The following CTNNA1 variants were observed in gnomAD, a reference collection of about 807,000 sequenced individuals.
The protein encoded by CTNNA1 is catenin alpha-1.
Under a neutral mutation model 98.4 loss-of-function variants are expected in CTNNA1, and 37 were observed. That is an observed-to-expected ratio of 0.38 (90% CI 0.29 to 0.49). CTNNA1 has a LOEUF of 0.49. Among genes scored for constraint, CTNNA1 ranks in the 20% least tolerant of loss-of-function variants. CTNNA1 has a pLI of 0.95. For synonymous variants in CTNNA1, 404 were observed against 413.2 expected (o/e 0.98, Z 0.27); for missense variants, 761 against 1,147.2 (o/e 0.66, Z 4.86).
At chr5:138,852,033 A>G (rs1486741472) in intron 7 of CTNNA1, among the ~76,000 whole-genome samples, 1 of 151,772 alleles carries the variant, frequency 6.6e-6, no homozygotes, top group Non-Finnish European at 1.5e-5. Flanking sequence ...TCGCAACATT[A>G]CACTCCAGCC....
chr5:138,910,829 G>A (rs1561717142), intron 10 of CTNNA1, among the ~76,000 whole-genome samples: 1 of 152,186 alleles, frequency 6.6e-6, no homozygotes, highest in Non-Finnish European at 1.5e-5. Flanking sequence ...TCTAAAACAA[G>A]TTTAGGGACT....
intron 1 of CTNNA1, among the ~76,000 whole-genome samples, chr5:138,772,120 G>T (rs1322743789): frequency 1.3e-5 from 2 of 152,152 alleles, no homozygotes; most frequent in Non-Finnish European, 1.5e-5. Context: ...AGCCCCCTTG[G>T]TTCTGATAGA....
intron 7 of CTNNA1, among the ~76,000 whole-genome samples, chr5:138,863,719 A>C (rs1392044056): frequency 6.6e-6 from 1 of 152,244 alleles, no homozygotes; most frequent in East Asian, 1.9e-4. Context: ...CAGCAGAGAA[A>C]GAGTTTAATA....
At chr5:138,825,565 T>C (rs1760631687) in intron 6 of CTNNA1, among the ~76,000 whole-genome samples, 1 of 134,294 alleles carries the variant, frequency 7.4e-6, no homozygotes, top group Non-Finnish European at 1.6e-5. Context: ...ACAGAAATTG[T>C]GTTCCAGGTG....
chr5:138,829,912 A>G (rs1052868053), intron 7 of CTNNA1, among the ~76,000 whole-genome samples: 1 of 152,054 alleles, frequency 6.6e-6, no homozygotes, highest in African/African-American at 2.4e-5. Context: ...ATTACCTGTA[A>G]TCCCAGCACT....
rs1754910690 is a variant in CTNNA1, at chr5:138,780,238, C to T, written c.-2-1685C>T. On this transcript the variant is annotated intron_variant, in intron 1 of 17. Transcript: ENST00000302763. ...CGGAGTCTTGCTCTTTCGCCCAGGCCGGACTGCAGTGGCGCTATCTCTGCT... is the reference window on the plus strand; with the variant it reads ...CGGAGTCTTGCTCTTTCGCCCAGGCTGGACTGCAGTGGCGCTATCTCTGCT... Among the ~76,000 whole-genome samples, 6 of 151,466 alleles carry T rather than the reference C, an allele frequency of 4.0e-5. No individual in the cohort carries two copies. The South Asian group carries it at 6.3e-4, about 16-fold the overall frequency.
chr5:138,856,527 TAATG>T (rs1213069865), intron 7 of CTNNA1, among the ~76,000 whole-genome samples: 1 of 152,114 alleles, frequency 6.6e-6, no homozygotes, highest in Non-Finnish European at 1.5e-5. Context: ...TTCTTTGTAA[TAATG>T]GGGTCTCGTC....
rs1306684518 is a variant in CTNNA1, at chr5:138,853,131, A to G, written c.1062+25413A>G. On this transcript the variant is annotated intron_variant, in intron 7 of 17. Transcript: ENST00000302763. ...AATTTTGCTGATCTGATGAGTGTGA[A>G]GCAGTTGTTCATTATTACTTTTTTT... Among the ~76,000 whole-genome samples the G allele has an allele frequency of 4.6e-5, 7 of 151,570 alleles. No individual in the cohort carries two copies. The East Asian group carries it at 1.3e-3, about 29-fold the overall frequency.
At chr5:138,809,393 A>T (rs921516643) in intron 3 of CTNNA1, among the ~76,000 whole-genome samples, 3 of 152,190 alleles carry the variant, frequency 2.0e-5, no homozygotes, top group African/African-American at 7.2e-5. Context: ...TTATGATTTC[A>T]TTTGTTTCTG....
chr5:138,871,318 T>C (rs1474637352), intron 7 of CTNNA1: 1 of 152,238 alleles, frequency 6.6e-6, no homozygotes, highest in Non-Finnish European at 1.5e-5. Flanking sequence ...TTTTCTAAAA[T>C]CAAGTTAGTG....
intron 9 of CTNNA1, among the ~76,000 whole-genome samples, chr5:138,901,321 C>T (rs1460564658): frequency 1.2e-4 from 19 of 152,104 alleles, no homozygotes; most frequent in Admixed American, 1.1e-3. Flanking sequence ...CCACGCTGGG[C>T]CAATTTTTGT....
intron 3 of CTNNA1, among the ~76,000 whole-genome samples, chr5:138,794,109 C>G (rs1756676607): frequency 6.6e-6 from 1 of 151,682 alleles, no homozygotes; most frequent in African/African-American, 2.4e-5. Context: ...CCTCCGCCTC[C>G]CGGGTTCAAG....
chr5:138,917,323 A>AAT, intron 10 of CTNNA1, among the ~76,000 whole-genome samples: 1 of 152,338 alleles, frequency 6.6e-6, no homozygotes, highest in East Asian at 1.9e-4. Context: ...CATAACATAG[A>AAT]ATATATACTT....
At chr5:138,900,771 A>C (rs1432896659) in intron 9 of CTNNA1, among the ~76,000 whole-genome samples, 1 of 152,146 alleles carries the variant, frequency 6.6e-6, no homozygotes, top group Non-Finnish European at 1.5e-5. Context: ...TCATTTCCTC[A>C]ACAGCTCAGA....
chr5:138,933,167 C>CAAAA (rs1765769137), intron 17 of CTNNA1, among the ~76,000 whole-genome samples: 1 of 152,144 alleles, frequency 6.6e-6, no homozygotes. Context: ...AACAAAACTT[C>CAAAA]CTTTTCTTCC....
intron 11 of CTNNA1, among the ~76,000 whole-genome samples, chr5:138,922,523 A>T (rs933949911): frequency 3.9e-5 from 6 of 152,168 alleles, no homozygotes; most frequent in Non-Finnish European, 7.4e-5. Flanking sequence ...ATGTGTATGA[A>T]TTTTTTTCTA....
chr5:138,813,063 C>T (rs1036525235), intron 5 of CTNNA1, among the ~76,000 whole-genome samples: 19 of 152,202 alleles, frequency 1.2e-4, no homozygotes, highest in African/African-American at 4.6e-4. Context: ...TTGCAGAAAA[C>T]CCAGCTCCCA....
intron 3 of CTNNA1, among the ~76,000 whole-genome samples, chr5:138,805,115 C>G (rs947552992): frequency 1.3e-5 from 2 of 152,100 alleles, no homozygotes; most frequent in African/African-American, 4.8e-5. Context: ...CTCATGAGAA[C>G]TCATTCACCA....
chr5:138,913,176 G>C (rs186628210), intron 10 of CTNNA1, among the ~76,000 whole-genome samples: 3 of 151,614 alleles, frequency 2.0e-5, no homozygotes, highest in East Asian at 3.9e-4. Context: ...TATTTCGTTT[G>C]AAATGCTTTG....
Sources: gnomAD v4.1 joint callset for allele counts (sites outside exome capture counted in the v4.1 genomes callset) on GRCh38, gnomAD v4.1.1 for gene constraint, MANE v1.5 for transcripts, NCBI Gene and HGNC (gene_info 2026-07-23, HGNC 2026-07-21) for gene names.